Variants in MTTP observed in about 807,000 individuals in gnomAD.
The protein encoded by MTTP is microsomal triglyceride transfer protein.
A neutral mutation model predicts 90.6 loss-of-function variants in MTTP; 49 were observed. The observed-to-expected ratio is 0.54, with a 90% CI of 0.43 to 0.69. MTTP has a LOEUF of 0.69. Among genes scored for constraint, MTTP ranks in the 30% least tolerant of loss-of-function variants. MTTP has a pLI of 0.00. For synonymous variants in MTTP, 347 were observed against 384.2 expected (o/e 0.90, Z 1.13); for missense variants, 945 against 1,067.5 (o/e 0.89, Z 1.60).
chr4:99,619,395 A>C (rs1328955248), intron 16 of MTTP, among the ~76,000 whole-genome samples: 1 of 152,204 alleles, frequency 6.6e-6, no homozygotes, highest in African/African-American at 2.4e-5. Context: ...CACCAAGAGA[A>C]GAAATTTCAC....
At chr4:99,578,590 C>T (rs905788216) in intron 1 of MTTP, among the ~76,000 whole-genome samples, 1 of 152,088 alleles carries the variant, frequency 6.6e-6, no homozygotes, top group African/African-American at 2.4e-5. Context: ...ATTTCCTACT[C>T]ATAGTCAAAA....
intron 15 of MTTP, among the ~76,000 whole-genome samples, chr4:99,613,375 G>A (rs1192898675): frequency 1.3e-5 from 2 of 152,214 alleles, no homozygotes; most frequent in Non-Finnish European, 2.9e-5. Context: ...AGAAAATGTT[G>A]ATGTTAACAG....
At chr4:99,568,183 G>A (rs1467468061) in intron 1 of MTTP, among the ~76,000 whole-genome samples, 1 of 151,986 alleles carries the variant, frequency 6.6e-6, no homozygotes, top group Non-Finnish European at 1.5e-5. Flanking sequence ...AGTGCAATAA[G>A]ATTTAAAAAG....
Position 99,594,715 on chromosome 4 carries a change from C to T in MTTP, c.759-18C>T, listed in dbSNP as rs1248622455. 7 of 1,613,320 alleles carry T rather than the reference C, an allele frequency of 4.3e-6. No individual in the cohort carries two copies. The South Asian group carries it at 7.7e-5, about 18-fold the overall frequency. On this transcript the variant is annotated intron_variant, in intron 6 of 17. Transcript: ENST00000265517. ...AAAGAATGATTATAATATAGCATTTCCCTTTGGTATTATGCAGGCAGAAAT... is the reference window on the plus strand; with the variant it reads ...AAAGAATGATTATAATATAGCATTTTCCTTTGGTATTATGCAGGCAGAAAT...
intron 16 of MTTP, among the ~76,000 whole-genome samples, chr4:99,619,801 TCAAA>T (rs1726185476): frequency 6.6e-6 from 1 of 152,182 alleles, no homozygotes; most frequent in African/African-American, 2.4e-5. Flanking sequence ...CTGAGAGCAA[TCAAA>T]CAGTAGCACA....
intron 1 of MTTP, 127 bp downstream of exon 1, chr4:99,575,097 C>A: frequency 1.8e-6 from 2 of 1,109,822 alleles, no homozygotes; most frequent in South Asian, 1.3e-5. Flanking sequence ...TCTTCAAAAC[C>A]ATGTAACTTT....
At chr4:99,594,191 C>T (rs1421250758) in intron 6 of MTTP, among the ~76,000 whole-genome samples, 1 of 152,152 alleles carries the variant, frequency 6.6e-6, no homozygotes, top group East Asian at 1.9e-4. Flanking sequence ...AAGACATAGC[C>T]TTAGAGATCA....
chr4:99,573,647 T>C (rs1724888094), upstream of MTTP, among the ~76,000 whole-genome samples: 2 of 152,154 alleles, frequency 1.3e-5, no homozygotes, highest in African/African-American at 4.8e-5. Context: ...TTAAATTGCA[T>C]TGTGTCTGTA....
At chr4:99,576,694 C>CAA (rs10630406) in intron 1 of MTTP, among the ~76,000 whole-genome samples, 7,965 of 67,538 alleles carry the variant, frequency 0.12, 779 homozygotes, top group African/African-American at 0.14. Context: ...GACTCCGTCT[C>CAA]AAAAAAAAAA....
In MTTP at chr4:99,622,824, T is replaced by A. The variant is rs531134070; in HGVS notation, c.2661T>A (p.Asp887Glu). Residue 887 changes from aspartate to glutamate, a missense_variant, in exon 18 of 18, where the codon GAT becomes GAA. Asp to Glu is a conservative substitution (Grantham distance 45, BLOSUM62 2). Coordinates refer to ENST00000265517, the MANE Select transcript of MTTP (RefSeq NM_001386140.1). ...AAGTGGTGTTTGCCCCTCAGCCGGA[T>A]AGTACTTCCAGCGGATGGTTTTGAA... ...MCKVVFAPQP[D>E]STSSGWF The A allele has an allele frequency of 6.2e-7, 1 of 1,614,112 alleles. No homozygotes were observed. The highest frequency in any genetic ancestry group is 1.7e-5 in the Admixed American group (1 of 60,022).
intron 3 of MTTP, among the ~76,000 whole-genome samples, chr4:99,587,074 G>A (rs1725275711): frequency 6.6e-6 from 1 of 152,176 alleles, no homozygotes; most frequent in Non-Finnish European, 1.5e-5. Flanking sequence ...AACTTACTCA[G>A]TTCCTGTTGT....
rs146493676 is a variant in MTTP at position 99,582,059 on chromosome 4, T to G, written c.216T>G (p.Pro72=). 3.1e-5 allele frequency: 50 copies of G among 1,614,052 alleles called. No homozygotes were observed. The African/African-American group carries it at 6.1e-4, about 20-fold the overall frequency. ...NVDVALLWRN[P]DGDDDQLIQI... Reference sequence around the variant, plus strand: ...ATGTGGCCTTACTATGGAGGAATCCTGATGGTGATGATGACCAGTTGATCC... The same window carrying G: ...ATGTGGCCTTACTATGGAGGAATCCGGATGGTGATGATGACCAGTTGATCC... The change falls in exon 2 of 18, where the codon CCT becomes CCG. Residue 72 remains proline (P), a synonymous_variant. Coordinates refer to ENST00000265517, the MANE Select transcript of MTTP (RefSeq NM_001386140.1).
At chr4:99,593,669 T>C (rs1488361728) in intron 6 of MTTP, among the ~76,000 whole-genome samples, 3 of 152,220 alleles carry the variant, frequency 2.0e-5, no homozygotes, top group African/African-American at 4.8e-5. Flanking sequence ...GTAGCTGTAA[T>C]ATTAGCACCA....
At chr4:99,605,824 C>T (rs766432210) in intron 10 of MTTP, among the ~76,000 whole-genome samples, 24 of 151,112 alleles carry the variant, frequency 1.6e-4, no homozygotes, top group South Asian at 1.2e-3. Context: ...TTTGTTAATA[C>T]TTCTCCACTC....
upstream of MTTP, among the ~76,000 whole-genome samples, chr4:99,571,895 T>A (rs1000063307): frequency 2.0e-5 from 3 of 151,944 alleles, no homozygotes; most frequent in African/African-American, 7.2e-5. Context: ...CTTCTAAATT[T>A]TTTTTTCATT....
chr4:99,570,418 A>C (rs1396991746), upstream of MTTP, among the ~76,000 whole-genome samples: 1 of 151,838 alleles, frequency 6.6e-6, no homozygotes, highest in East Asian at 1.9e-4. Context: ...TGTCCTCTCT[A>C]TCTAGTTCCT....
chr4:99,570,900 A>G (rs2110205299), upstream of MTTP: 1 of 399,996 alleles, frequency 2.5e-6, no homozygotes, highest in Non-Finnish European at 4.9e-6. Flanking sequence ...GCCTCCAGAA[A>G]GGGATACACC....
chr4:99,609,334 T>C (rs1414586587), intron 12 of MTTP, among the ~76,000 whole-genome samples: 1 of 152,218 alleles, frequency 6.6e-6, no homozygotes, highest in Non-Finnish European at 1.5e-5. Flanking sequence ...CATTGTAACA[T>C]TTCAAGTGTT....
intron 10 of MTTP, among the ~76,000 whole-genome samples, chr4:99,602,425 C>T (rs998324960): frequency 2.0e-5 from 3 of 152,060 alleles, no homozygotes; most frequent in African/African-American, 7.2e-5. Flanking sequence ...TATATAACAA[C>T]ATAGTCTTTT....
Sources: gnomAD v4.1 joint callset for allele counts (sites outside exome capture counted in the v4.1 genomes callset) on GRCh38, gnomAD v4.1.1 for gene constraint, MANE v1.5 for transcripts, NCBI Gene and HGNC (gene_info 2026-07-23, HGNC 2026-07-21) for gene names.